Variants in MICAL3 observed in about 807,000 individuals in gnomAD.
MICAL3 encodes the protein microtubule associated monooxygenase, calponin and LIM domain containing 3.
MICAL3 carries 62 observed loss-of-function variants against 207.4 expected under a neutral mutation model. That is an observed-to-expected ratio of 0.30 (90% CI 0.24 to 0.37). The LOEUF (loss-of-function observed/expected upper bound fraction) is 0.37, where lower values mean the gene tolerates loss of function less well. MICAL3 is among the 10% of genes least tolerant of loss of function. The pLI is 1.00. For synonymous variants in MICAL3, 1,077 were observed against 1,069.3 expected (o/e 1.01, Z -0.14); for missense variants, 2,368 against 2,635.6 (o/e 0.90, Z 2.22).
chr22:17,884,285 C>T (rs751084934), intron 16 of MICAL3: 34 of 1,588,628 alleles, frequency 2.1e-5, no homozygotes, highest in East Asian at 4.7e-5. Context: ...CTGTTTCCAC[C>T]GGGGGGTGGG....
chr22:18,012,240 A>G (rs1405102285), intron 1 of MICAL3, among the ~76,000 whole-genome samples: 2 of 152,238 alleles, frequency 1.3e-5, no homozygotes, highest in Non-Finnish European at 2.9e-5. Context: ...GACTCAAAAA[A>G]AATTAATAAA....
chr22:17,843,232 C>A (rs941676683), intron 19 of MICAL3, among the ~76,000 whole-genome samples: 1 of 151,890 alleles, frequency 6.6e-6, no homozygotes, highest in Non-Finnish European at 1.5e-5. Context: ...GCTATGGACT[C>A]GGATTTTTGA....
intron 19 of MICAL3, among the ~76,000 whole-genome samples, chr22:17,847,959 C>A (rs1473200283): frequency 1.3e-5 from 2 of 152,156 alleles, no homozygotes; most frequent in Admixed American, 6.5e-5. Context: ...GCCACCACAC[C>A]CAGCCCAGCT....
At chr22:17,931,715 A>G (rs1181931806) in intron 1 of MICAL3, among the ~76,000 whole-genome samples, 1 of 152,236 alleles carries the variant, frequency 6.6e-6, no homozygotes, top group Non-Finnish European at 1.5e-5. Flanking sequence ...TCACAGATCC[A>G]GCCTGTGGCA....
chr22:17,896,184 G>A (rs1930813011), intron 9 of MICAL3, 62 bp downstream of exon 9: 2 of 901,802 alleles, frequency 2.2e-6, no homozygotes, highest in South Asian at 2.9e-5. Flanking sequence ...TCTGCCTGAA[G>A]AGTAAACCAC....
intron 1 of MICAL3, chr22:18,001,266 G>A (rs1922978862): frequency 6.6e-6 from 1 of 152,056 alleles, no homozygotes; most frequent in African/African-American, 2.4e-5. Context: ...CCGCTCGCGG[G>A]GCCACCCGCT....
Position 17,930,539 on chromosome 22 carries a change from G to A in MICAL3, c.-74-23653C>T, listed in dbSNP as rs529685667. Among the ~76,000 whole-genome samples, 95 of 152,342 alleles carry A rather than the reference G, an allele frequency of 6.2e-4. 1 individual carries two copies. The highest frequency in any genetic ancestry group is 1.3e-3 in the Admixed American group (20 of 15,306). On this transcript the variant is annotated intron_variant, in intron 1 of 31. Transcript: ENST00000441493. Reference sequence around the variant, plus strand: ...ACTCACAGATTAGTGCTGGGCAAGAGAGGGCAGACACAGGACAGAAAATAC... The same window carrying A: ...ACTCACAGATTAGTGCTGGGCAAGAAAGGGCAGACACAGGACAGAAAATAC...
At chr22:17,817,161 C>T in intron 26 of MICAL3, 150 bp downstream of exon 26, 2 of 971,028 alleles carry the variant, frequency 2.1e-6, no homozygotes, top group Non-Finnish European at 3.0e-6. Context: ...GCCCTGTGAA[C>T]CCATGGTTCA....
chr22:17,798,889 G>A (rs1013902961), intron 29 of MICAL3, among the ~76,000 whole-genome samples: 4 of 151,760 alleles, frequency 2.6e-5, no homozygotes, highest in Admixed American at 6.6e-5. Flanking sequence ...TAGCCAGGAT[G>A]GTCTCGATCT....
chr22:17,861,687 G>C (rs1242935195), intron 19 of MICAL3: 2 of 985,270 alleles, frequency 2.0e-6, no homozygotes, highest in Non-Finnish European at 2.4e-6. Context: ...AAGAAAATCT[G>C]TGCCAGGACC....
chr22:17,976,807 C>CTTTTT (rs1210909450), intron 1 of MICAL3, among the ~76,000 whole-genome samples: 1 of 133,728 alleles, frequency 7.5e-6, no homozygotes, highest in Non-Finnish European at 1.6e-5. Flanking sequence ...CTAGAGACTT[C>CTTTTT]TTCTTTTTTT....
At chr22:17,840,396 T>A (rs1686120369) in intron 20 of MICAL3, 1 of 152,206 alleles carries the variant, frequency 6.6e-6, no homozygotes, top group South Asian at 2.1e-4. Flanking sequence ...CCAGCATGAA[T>A]GCTAGTTTTA....
At chr22:18,020,959 A>G (rs1924434970) in intron 1 of MICAL3, among the ~76,000 whole-genome samples, 1 of 148,528 alleles carries the variant, frequency 6.7e-6, no homozygotes. Context: ...TAAATAAATA[A>G]ATAAATAAAA....
At position 17,796,163 on chromosome 22, in the gene MICAL3, G is replaced by T. The variant is rs1314635684; in HGVS notation, c.5651-4862C>A. On this transcript the variant is annotated intron_variant, in intron 29 of 31. Transcript: ENST00000441493. The surrounding 1 kb of genome is among the most constrained non-coding windows in gnomAD (Gnocchi z 4.4). ...AGCAGTGAGCGGGTCCTGGTCAGAG[G>T]ACCCCTCCTCCCTGGAGCACTCTGC... is the stretch of plus-strand genomic sequence containing the variant. Among the ~76,000 whole-genome samples, 1 of 152,174 alleles carries T rather than the reference G, an allele frequency of 6.6e-6. No homozygotes were observed. The highest frequency in any genetic ancestry group is 6.5e-5 in the Admixed American group (1 of 15,284).
intron 19 of MICAL3, among the ~76,000 whole-genome samples, chr22:17,853,155 C>T (rs1925515311): frequency 6.6e-6 from 1 of 152,052 alleles, no homozygotes; most frequent in East Asian, 1.9e-4. Context: ...TAGTGAAGAG[C>T]CCCTAGGGTG....
Position 17,966,164 on chromosome 22 carries a change from C to G in MICAL3, c.-75+58117G>C, listed in dbSNP as rs191368896. On this transcript the variant is annotated intron_variant, in intron 1 of 31. Coordinates refer to ENST00000441493, the MANE Select transcript of MICAL3 (RefSeq NM_015241.3). ...CCTGCTTGACAACCACACACGTTTC[C>G]TTATCATCCACTGCTTCATGCCTCC... Among the ~76,000 whole-genome samples, 58 of 152,276 alleles carry G rather than the reference C, an allele frequency of 3.8e-4. 1 individual carries two copies. The highest frequency in any genetic ancestry group is 9.9e-4 in the African/African-American group (41 of 41,568).
At position 17,817,689 on chromosome 22, in the gene MICAL3, A is replaced by T. The variant is rs770903825; in HGVS notation, c.4972T>A (p.Ser1658Thr). 6.2e-7 allele frequency: 1 copy of T among 1,605,198 alleles called. No individual in the cohort carries two copies. The highest frequency in any genetic ancestry group is 1.1e-5 in the South Asian group (1 of 90,482). ...TCATGCTTCAGGGTGGGCTCCTCGGAGCCCCTGAGAGTGGGGCGTGTGGGG... is the reference window on the plus strand; with the variant it reads ...TCATGCTTCAGGGTGGGCTCCTCGGTGCCCCTGAGAGTGGGGCGTGTGGGG... ...DSPTRPTLRG[S>T]EEPTLKHEAT... is the part of the protein sequence containing the mutation. Residue 1658 changes from serine to threonine, a missense_variant, in exon 26 of 32, where the codon TCC becomes ACC. By Grantham distance (58) the Ser-to-Thr change is moderately conservative (BLOSUM62 1). This residue lies in a region of MICAL3 where 1,770 missense variants were observed against 1,863.2 expected (regional missense o/e 0.95). Coordinates refer to ENST00000441493, the MANE Select transcript of MICAL3 (RefSeq NM_015241.3).
intron 19 of MICAL3, among the ~76,000 whole-genome samples, chr22:17,853,262 C>T (rs1259935297): frequency 6.6e-6 from 1 of 152,180 alleles, no homozygotes; most frequent in Non-Finnish European, 1.5e-5. Context: ...TTTAACCGTG[C>T]TTCACAACAG....
chr22:17,971,879 G>A (rs1212883890), intron 1 of MICAL3, among the ~76,000 whole-genome samples: 2 of 152,210 alleles, frequency 1.3e-5, no homozygotes, highest in Non-Finnish European at 1.5e-5. Context: ...AGCAGCACAC[G>A]TGCACCGGCA....
Sources: allele counts gnomAD v4.1 joint callset (sites outside exome capture counted in the v4.1 genomes callset), GRCh38; gene constraint gnomAD v4.1.1; regional missense constraint gnomAD v4.1.1; non-coding constraint Gnocchi (gnomAD v3.1); transcripts MANE v1.5; gene names NCBI Gene and HGNC (gene_info 2026-07-23, HGNC 2026-07-21).